STX8: variants seen among roughly 807,000 people sequenced by gnomAD.
STX8 encodes syntaxin-8.
In STX8, 23 loss-of-function variants were observed where a neutral mutation model predicts 37.5. The ratio of observed to expected loss-of-function variants is 0.61; its 90% CI spans 0.44 to 0.87. The LOEUF (loss-of-function observed/expected upper bound fraction) is 0.87, where lower values mean the gene tolerates loss of function less well. STX8 is among the 40% of genes least tolerant of loss of function. The probability of loss-of-function intolerance (pLI) is 0.00; values close to 1 mark genes in which losing one functional copy is unlikely to be tolerated. For synonymous variants in STX8, 115 were observed against 99.1 expected (o/e 1.16, Z -0.95); for missense variants, 313 against 284.7 (o/e 1.10, Z -0.71).
chr17:9,312,350 C>T (rs1445231531), intron 7 of STX8, among the ~76,000 whole-genome samples: 4 of 151,832 alleles, frequency 2.6e-5, no homozygotes, highest in Non-Finnish European at 5.9e-5. Context: ...TACAGGCATG[C>T]GCCACCACGC....
At chr17:9,349,784 T>C (rs1910648852) in intron 7 of STX8, among the ~76,000 whole-genome samples, 2 of 151,822 alleles carry the variant, frequency 1.3e-5, no homozygotes, top group Non-Finnish European at 2.9e-5. Flanking sequence ...TCCTCCTCCT[T>C]CTTGTGATAA....
At chr17:9,391,722 A>AG in intron 6 of STX8, among the ~76,000 whole-genome samples, 1 of 146,938 alleles carries the variant, frequency 6.8e-6, no homozygotes, top group East Asian at 2.0e-4. Flanking sequence ...GAGAGAGAGA[A>AG]AAAAAAAAAG....
At chr17:9,523,684 A>C (rs981824644) in intron 4 of STX8, among the ~76,000 whole-genome samples, 9 of 152,204 alleles carry the variant, frequency 5.9e-5, no homozygotes, top group African/African-American at 2.2e-4. Context: ...ACTTGTTTCC[A>C]TTCTCACTCA....
chr17:9,488,274 C>T (rs1236845367), intron 6 of STX8, among the ~76,000 whole-genome samples: 2 of 150,836 alleles, frequency 1.3e-5, no homozygotes, highest in East Asian at 1.9e-4. Flanking sequence ...TGCAGTGAGC[C>T]GAGATCGCAC....
At chr17:9,387,588 T>C (rs571295717) in intron 6 of STX8, among the ~76,000 whole-genome samples, 3 of 152,230 alleles carry the variant, frequency 2.0e-5, no homozygotes, top group Non-Finnish European at 2.9e-5. Flanking sequence ...CCACCACGCC[T>C]GGCCAAAAAG....
chr17:9,515,042 T>C (rs1905124703), intron 4 of STX8, among the ~76,000 whole-genome samples: 1 of 152,126 alleles, frequency 6.6e-6, no homozygotes, highest in Admixed American at 6.5e-5. Flanking sequence ...TTAATGGGCA[T>C]GAAGAAAAAA....
chr17:9,476,166 G>A (rs1474688588), intron 6 of STX8, among the ~76,000 whole-genome samples: 1 of 152,194 alleles, frequency 6.6e-6, no homozygotes, highest in Non-Finnish European at 1.5e-5. Flanking sequence ...GCGACAGAGC[G>A]AGACTCCGTC....
intron 7 of STX8, among the ~76,000 whole-genome samples, chr17:9,316,787 T>A (rs1909395648): frequency 6.6e-6 from 1 of 152,206 alleles, no homozygotes; most frequent in Non-Finnish European, 1.5e-5. Flanking sequence ...TCCAGACACT[T>A]TGACTTGTGA....
At chr17:9,363,666 G>A (rs998094451) in intron 7 of STX8, among the ~76,000 whole-genome samples, 10 of 152,030 alleles carry the variant, frequency 6.6e-5, no homozygotes, top group African/African-American at 9.7e-5. Context: ...AGGCCCACAC[G>A]GTGTAATTAT....
chr17:9,337,660 C>G (rs114224829), intron 7 of STX8, among the ~76,000 whole-genome samples: 2,811 of 152,282 alleles, frequency 0.018, 81 homozygotes, highest in African/African-American at 0.064. Flanking sequence ...AGCCACTGTG[C>G]CCGGCCAGAA....
intron 7 of STX8, among the ~76,000 whole-genome samples, chr17:9,354,622 T>C (rs1287180130): frequency 2.0e-5 from 3 of 152,056 alleles, no homozygotes; most frequent in Admixed American, 2.0e-4. Flanking sequence ...GCCCGGCCCA[T>C]ATTTACTCTT....
intron 6 of STX8, among the ~76,000 whole-genome samples, chr17:9,431,021 TGTTTTGG>T (rs1276206127): frequency 3.3e-5 from 5 of 150,910 alleles, no homozygotes; most frequent in African/African-American, 1.2e-4. Flanking sequence ...TTGTTGTTGT[TGTTTTGG>T]TTTTTTTTTA....
At chr17:9,540,433 T>C (rs16958444) in intron 4 of STX8, among the ~76,000 whole-genome samples, 59,477 of 152,018 alleles carry the variant, frequency 0.39, 12,347 homozygotes, top group African/African-American at 0.53. Flanking sequence ...GACAAGCATA[T>C]GCGGACATGT....
Position 9,507,185 on chromosome 17 carries a change from C to T in STX8, c.324-2023G>A, listed in dbSNP as rs1428839148. Among the ~76,000 whole-genome samples, 1 of 152,040 alleles carries T rather than the reference C, an allele frequency of 6.6e-6. No homozygotes were observed. The highest frequency in any genetic ancestry group is 1.5e-5 in the Non-Finnish European group (1 of 67,992). ...CTATGAAACAGTCGGGCAGTGCAGCCCCCTACAGACATGCCCCCGGCCTGC... is the reference window on the plus strand; with the variant it reads ...CTATGAAACAGTCGGGCAGTGCAGCTCCCTACAGACATGCCCCCGGCCTGC... On this transcript the variant is annotated intron_variant, in intron 4 of 7. Transcript: ENST00000306357. The surrounding 1 kb of genome is among the most constrained non-coding windows in gnomAD (Gnocchi z 4.0).
At chr17:9,541,552 TG>T (rs1157027753) in intron 4 of STX8, among the ~76,000 whole-genome samples, 1 of 152,068 alleles carries the variant, frequency 6.6e-6, no homozygotes, top group Non-Finnish European at 1.5e-5. Context: ...CAACGAAAAA[TG>T]GGCAGCACAT....
intron 6 of STX8, chr17:9,461,267 G>A (rs1172045878): frequency 6.6e-6 from 1 of 152,150 alleles, no homozygotes; most frequent in Non-Finnish European, 1.5e-5. Context: ...CCCACAGCGG[G>A]AGGGGATGGA....
intron 7 of STX8, among the ~76,000 whole-genome samples, chr17:9,272,890 A>G (rs1292907374): frequency 6.6e-6 from 1 of 152,210 alleles, no homozygotes; most frequent in Non-Finnish European, 1.5e-5. Flanking sequence ...CCCCACTGCC[A>G]CACTCTCCGC....
intron 7 of STX8, among the ~76,000 whole-genome samples, chr17:9,368,840 G>A (rs527823800): frequency 1.3e-4 from 20 of 151,830 alleles, no homozygotes; most frequent in African/African-American, 4.4e-4. Flanking sequence ...ACTCAGACCC[G>A]TCTGTACTAC....
chr17:9,350,833 T>C (rs1375317657), intron 7 of STX8, among the ~76,000 whole-genome samples: 1 of 152,132 alleles, frequency 6.6e-6, no homozygotes, highest in East Asian at 1.9e-4. Context: ...ACACCCAGCC[T>C]AAAATGTTTT....
Sources: allele counts gnomAD v4.1 joint callset (sites outside exome capture counted in the v4.1 genomes callset), GRCh38; gene constraint gnomAD v4.1.1; non-coding constraint Gnocchi (gnomAD v3.1); transcripts MANE v1.5; gene names NCBI Gene and HGNC (gene_info 2026-07-23, HGNC 2026-07-21).